The following CES1 variants were observed in gnomAD, a reference collection of about 807,000 sequenced individuals.
CES1 encodes the protein liver carboxylesterase 1.
A neutral mutation model predicts 53.0 loss-of-function variants in CES1; 50 were observed. The ratio of observed to expected loss-of-function variants is 0.94; its 90% confidence interval spans 0.75 to 1.19. CES1 has a LOEUF of 1.19. Ranked by LOEUF, CES1 falls within the 50% of genes most tolerant of loss-of-function variation. The pLI is 0.00. For synonymous variants in CES1, 202 were observed against 210.1 expected (o/e 0.96, Z 0.33); for missense variants, 534 against 538.0 (o/e 0.99, Z 0.07).
chr16:55,828,408 C>T (rs2032499779), intron 2 of CES1, among the ~76,000 whole-genome samples: 1 of 152,170 alleles, frequency 6.6e-6, no homozygotes, highest in Non-Finnish European at 1.5e-5. Context: ...TGCTTAACTG[C>T]TTCTTTGTTT....
intron 1 of CES1, 109 bp downstream of exon 1, chr16:55,832,895 C>T (rs560525063): frequency 3.8e-6 from 4 of 1,055,432 alleles, no homozygotes; most frequent in Non-Finnish European, 5.9e-6. Flanking sequence ...CGTGCCCCGC[C>T]GCAGAGCCGG....
rs1217587358 is a variant in CES1 at position 55,812,944 on chromosome 16, C to A, written c.1045G>T (p.Val349Phe). ...CCAAACTCCTGCTTGTTAATTCCGACCATGTAGGGGACAGTGTGGAAATTC... is the reference window on the plus strand; with the variant it reads ...CCAAACTCCTGCTTGTTAATTCCGAACATGTAGGGGACAGTGTGGAAATTC... ...ERNFHTVPYM[V>F]GINKQEFGWL... is the part of the protein sequence containing the mutation. Residue 349 changes from valine to phenylalanine, a missense_variant, in exon 9 of 14, where the codon GTC (valine) becomes TTC (phenylalanine). Val to Phe is a conservative substitution (Grantham distance 50, BLOSUM62 -1). Coordinates refer to ENST00000360526, the MANE Select transcript of CES1 (RefSeq NM_001025195.2). 1 of 1,613,992 alleles carries A rather than the reference C, an allele frequency of 6.2e-7. No homozygotes were observed. Among genetic ancestry groups the A allele is most frequent in the Non-Finnish European group, 8.5e-7 (1 of 1,179,984 alleles).
chr16:55,828,838 G>C lies in CES1; in HGVS notation c.189C>G (p.Pro63=). 1 of 1,614,300 alleles carries C rather than the reference G, an allele frequency of 6.2e-7. No homozygotes were observed. Among genetic ancestry groups the C allele is most frequent in the Non-Finnish European group, 8.5e-7 (1 of 1,180,054 alleles). The part of the protein sequence containing the change: ...GIPFAKPPLG[P]LRFTPPQPAE... ...CAGGCTGCGGTGGAGTAAACCTCAGGGGTCCAAGAGGCGGCTTGGCAAAAG... is the reference window on the plus strand; with the variant it reads ...CAGGCTGCGGTGGAGTAAACCTCAGCGGTCCAAGAGGCGGCTTGGCAAAAG... Residue 63 remains proline, a synonymous_variant, in exon 2 of 14, where the codon CCC becomes CCG. Coordinates refer to ENST00000360526, the MANE Select transcript of CES1 (RefSeq NM_001025195.2).
intron 1 of CES1, among the ~76,000 whole-genome samples, chr16:55,832,737 G>T (rs568690187): frequency 2.6e-5 from 4 of 152,352 alleles, no homozygotes; most frequent in South Asian, 4.1e-4. Flanking sequence ...TAAATTTCTC[G>T]TGTGTGCGGC....
At chr16:55,810,495 C>T in intron 11 of CES1, 22 bp downstream of exon 11, 1 of 1,613,992 alleles carries the variant, frequency 6.2e-7, no homozygotes, top group Non-Finnish European at 8.5e-7. Flanking sequence ...TGTGTCCCTC[C>T]CGTTCGACCT....
chr16:55,833,020 A>G lies in CES1; in HGVS notation c.36T>C (p.Ser12=). 1.3e-6 allele frequency: 2 copies of G among 1,558,344 alleles called. No homozygotes were observed. Among genetic ancestry groups the G allele is most frequent in the Non-Finnish European group, 1.8e-6 (2 of 1,138,950 alleles). ...AGGACTCACCCCAAGCCGCGGAAGC[A>G]GAGAGAGTGGCCAGGATAAAGGCAC... The part of the protein sequence containing the change: ...WLRAFILATL[S]ASAAWAGHPS... The change falls in exon 1 of 14, where the codon TCT becomes TCC. Residue 12 remains serine, a synonymous_variant. Transcript: ENST00000360526.
chr16:55,811,129 G>A, intron 9 of CES1, 119 bp from the exon 10 acceptor site: 1 of 834,774 alleles, frequency 1.2e-6, no homozygotes, highest in Non-Finnish European at 2.0e-6. Context: ...GGGCTTTTAA[G>A]GGCATGAGTC....
In CES1 at chr16:55,832,069, C is replaced by T. The variant is rs574533176; in HGVS notation, c.52+935G>A. ...CTTTGATCGGGTTGCCATGCCCTGGCCACTACCCACCTGCCCTAATCATGC... is the reference window on the plus strand; with the variant it reads ...CTTTGATCGGGTTGCCATGCCCTGGTCACTACCCACCTGCCCTAATCATGC... On this transcript the variant is annotated intron_variant, in intron 1 of 13. Transcript: ENST00000360526. Among the ~76,000 whole-genome samples, 8 of 152,324 alleles carry T rather than the reference C, an allele frequency of 5.3e-5. No individual in the cohort carries two copies. In the South Asian group the frequency reaches 1.5e-3, roughly 28 times the overall value.
chr16:55,814,812 G>A (rs1292532629), intron 8 of CES1, among the ~76,000 whole-genome samples: 1 of 152,216 alleles, frequency 6.6e-6, no homozygotes, highest in Non-Finnish European at 1.5e-5. Context: ...GACTGCCTGG[G>A]GGAGATGTTC....
At chr16:55,818,974 G>T (rs1287772428) in intron 7 of CES1, among the ~76,000 whole-genome samples, 1 of 152,236 alleles carries the variant, frequency 6.6e-6, no homozygotes, top group East Asian at 1.9e-4. Flanking sequence ...GTTGACATTA[G>T]ATTGATAAAA....
At position 55,823,691 on chromosome 16, in the gene CES1, G is replaced by A; in HGVS notation, c.406-8C>T. ...GTGGATCCACACCATCACCTGGGCA[G>A]AGAGGAAGCAACATACCAGTTACAG... On this transcript the variant is annotated splice_region_variant and splice_polypyrimidine_tract_variant and intron_variant, in intron 3 of 13. Coordinates refer to ENST00000360526, the MANE Select transcript of CES1 (RefSeq NM_001025195.2). 1 of 1,614,038 alleles carries A rather than the reference G, an allele frequency of 6.2e-7. No homozygotes were observed. The highest frequency in any genetic ancestry group is 8.5e-7 in the Non-Finnish European group (1 of 1,179,884).
intron 9 of CES1, among the ~76,000 whole-genome samples, chr16:55,811,803 C>T (rs1324103761): frequency 2.0e-5 from 3 of 152,216 alleles, no homozygotes; most frequent in Non-Finnish European, 2.9e-5. Context: ...TCCTTGAGGA[C>T]CTGAGAGCCT....
At chr16:55,819,882 A>G (rs1486933882) in intron 6 of CES1, 36 of 615,084 alleles carry the variant, frequency 5.9e-5, no homozygotes, top group Admixed American at 9.7e-5. Flanking sequence ...ATTGAAATGG[A>G]CATAATCATC....
intron 6 of CES1, 103 bp downstream of exon 6, chr16:55,820,269 A>C (rs1306549689): frequency 3.2e-5 from 24 of 755,524 alleles, no homozygotes; most frequent in South Asian, 2.0e-4. Context: ...TTCTAGGAGA[A>C]CATTAGCTAC....
chr16:55,810,723 C>A, intron 10 of CES1, 59 bp from the exon 11 acceptor site: 11 of 1,597,414 alleles, frequency 6.9e-6, no homozygotes, highest in Non-Finnish European at 9.4e-6. Context: ...TTCTCCAGCC[C>A]ACCAGAAAGT....
intron 4 of CES1, among the ~76,000 whole-genome samples, chr16:55,821,822 G>GAT (rs2032211305): frequency 6.6e-6 from 1 of 152,138 alleles, no homozygotes; most frequent in African/African-American, 2.4e-5. Flanking sequence ...CAGATCACAA[G>GAT]CAGATAAACA....
Position 55,828,870 on chromosome 16 carries a change from C to T in CES1, c.157G>A (p.Gly53Arg), listed in dbSNP as rs372817758. The T allele has an allele frequency of 8.8e-5, 142 of 1,614,130 alleles. No individual in the cohort carries two copies. Among genetic ancestry groups the T allele is most frequent in the Non-Finnish European group, 1.2e-4 (136 of 1,180,032 alleles). The stretch of plus-strand genomic sequence containing the variant: ...AGAGGCGGCTTGGCAAAAGGGATTC[C>T]CAGGAAAATGGCCACAGGCTGTGCA... ...GFAQPVAIFL[G>R]IPFAKPPLGP... The change falls in exon 2 of 14, where the codon GGA becomes AGA. Residue 53 changes from glycine (G) to arginine (R), a missense_variant. This residue lies in a region of CES1 where 164 missense variants were observed against 162.4 expected (regional missense o/e 1.01). Transcript: ENST00000360526.
rs142855408 is a variant in CES1 at position 55,816,937 on chromosome 16, C to A, written c.932G>T (p.Gly311Val). ...KMKFLSLDLQ[G>V]DPRESQPLLG... ...AAAGGTCCTTACCTCTCTGGGGTCT[C>A]CCTGTAAGTCCAGAGATAAGAATTT... The change falls in exon 8 of 14, where the codon GGA (glycine) becomes GTA (valine). Residue 311 changes from glycine to valine, a missense_variant. By Grantham distance (109) the Gly-to-Val change is moderately radical. Around this residue, in one of 5 missense-constraint regions of CES1, gnomAD observed 269 missense variants for 206.6 expected, o/e 1.30. Transcript: ENST00000360526. 8.7e-6 allele frequency: 14 copies of A among 1,613,990 alleles called. No individual in the cohort carries two copies. The highest frequency in any genetic ancestry group is 1.2e-5 in the Non-Finnish European group (14 of 1,179,988).
intron 7 of CES1, 75 bp downstream of exon 7, chr16:55,819,460 G>T: frequency 9.3e-7 from 1 of 1,079,608 alleles, no homozygotes; most frequent in Non-Finnish European, 1.4e-6. Context: ...ACTGTCCCTG[G>T]GCAAGAGGAC....
Sources: gnomAD v4.1 joint callset for allele counts (sites outside exome capture counted in the v4.1 genomes callset) on GRCh38, gnomAD v4.1.1 for gene constraint, gnomAD v4.1.1 regional missense constraint, MANE v1.5 for transcripts, NCBI Gene and HGNC (gene_info 2026-07-23, HGNC 2026-07-21) for gene names.